The following KIF1B variants were observed in gnomAD, a reference collection of about 807,000 sequenced individuals.
KIF1B encodes the protein kinesin-like protein KIF1B.
Under a neutral mutation model 241.9 loss-of-function variants are expected in KIF1B, and 76 were observed. That is an observed-to-expected ratio of 0.31 (90% CI 0.26 to 0.38). KIF1B has a LOEUF of 0.38. Among genes scored for constraint, KIF1B ranks in the 10% least tolerant of loss-of-function variants. The pLI, the probability that KIF1B is intolerant of heterozygous loss-of-function variation, is 1.00. For missense variants in KIF1B, 1,622 were observed against 2,271.4 expected (o/e 0.71, Z 5.81); for synonymous variants, 750 against 796.7 (o/e 0.94, Z 0.99).
Position 10,361,716 on chromosome 1 carries a change from G to A in KIF1B, c.4195G>A (p.Val1399Ile), listed in dbSNP as rs770566165. 7 of 1,613,934 alleles carry A rather than the reference G, an allele frequency of 4.3e-6. No homozygotes were observed. In the Admixed American group the frequency reaches 5.0e-5, roughly 12 times the overall value. Reference sequence around the variant, plus strand: ...GCTGGATCATTGCATCCAGCCGGCTGTCATCACCAAGGATGTGTGCATGGT... The same window carrying A: ...GCTGGATCATTGCATCCAGCCGGCTATCATCACCAAGGATGTGTGCATGGT... ...LELDHCIQPA[V>I]ITKDVCMVFY... Residue 1399 changes from valine to isoleucine, a missense_variant, in exon 40 of 49, where the codon GTC (valine) becomes ATC (isoleucine). Val to Ile is a conservative substitution (Grantham distance 29). This residue lies in a region of KIF1B where 803 missense variants were observed against 1,112.0 expected (regional missense o/e 0.72). Transcript: ENST00000676179.
Position 10,326,654 on chromosome 1 carries a change from C to G in KIF1B, c.2924+295C>G, listed in dbSNP as rs139407998. ...AATTTTGTTCTGAAGAAGGGAACCC[C>G]AAAGGAGAAAGTAAAGCTAAGAGTC... On this transcript the variant is annotated intron_variant, in intron 27 of 48. Coordinates refer to ENST00000676179, the MANE Select transcript of KIF1B (RefSeq NM_001365951.3). This position sits in a 1 kb window ranked among gnomAD's most constrained non-coding sequence, Gnocchi z 5.2. Among the ~76,000 whole-genome samples, 655 of 152,194 alleles carry G rather than the reference C, an allele frequency of 4.3e-3. 8 individuals carry two copies. Among genetic ancestry groups the G allele is most frequent in the Middle Eastern group, 0.024 (7 of 294 alleles).
chr1:10,268,368 G>A, intron 7 of KIF1B, 105 bp downstream of exon 7: 1 of 767,786 alleles, frequency 1.3e-6, no homozygotes, highest in South Asian at 1.5e-5. Context: ...GTTGGGGGGT[G>A]CTCTTTTACT....
chr1:10,231,378 CTT>C (rs35213507), intron 1 of KIF1B, among the ~76,000 whole-genome samples: 2 of 85,738 alleles, frequency 2.3e-5, no homozygotes, highest in Non-Finnish European at 4.2e-5. Flanking sequence ...GTTCAGTGCC[CTT>C]TTTTTTTTTT....
intron 22 of KIF1B, among the ~76,000 whole-genome samples, chr1:10,319,389 C>A (rs1425258629): frequency 2.0e-5 from 3 of 152,174 alleles, no homozygotes; most frequent in African/African-American, 7.2e-5. Flanking sequence ...GTGTGAGCCA[C>A]TGCACCCGGT....
chr1:10,365,258 AG>A lies in KIF1B; in HGVS notation c.4512+16del, dbSNP rs559364887. ...GCTCCTACATGAGGTATCCAGGGGC[AG>A]GGTTGTTCAGATGCAAGAACTCTCG... On this transcript the variant is annotated intron_variant, in intron 42 of 48. Coordinates refer to ENST00000676179, the MANE Select transcript of KIF1B (RefSeq NM_001365951.3). The surrounding 1 kb of genome is among the most constrained non-coding windows in gnomAD (Gnocchi z 4.0). The A allele has an allele frequency of 2.0e-5, 32 of 1,613,892 alleles. 1 individual carries two copies. In the South Asian group the frequency reaches 2.5e-4, roughly 13 times the overall value.
rs1206772293 is a variant in KIF1B, at chr1:10,371,287, G to T, written c.4946+25G>T. 9.3e-6 allele frequency: 15 copies of T among 1,613,662 alleles called. No homozygotes were observed. The East Asian group carries it at 2.5e-4, about 26-fold the overall frequency. ...AGTAAGTACCCAGATTTCACTGAGA[G>T]AAGTCAATCTAAGAACCAAGGTAAA... is the stretch of plus-strand genomic sequence containing the variant. On this transcript the variant is annotated intron_variant, in intron 45 of 48. Transcript: ENST00000676179.
intron 22 of KIF1B, 28 bp downstream of exon 22, chr1:10,297,274 T>C: frequency 6.3e-7 from 1 of 1,597,620 alleles, no homozygotes; most frequent in Non-Finnish European, 8.6e-7. Flanking sequence ...GCTAAACTGT[T>C]GGGAAAAGGG....
At chr1:10,334,149 C>CAAAAAAA (rs372716443) in intron 27 of KIF1B, among the ~76,000 whole-genome samples, 1 of 82,944 alleles carries the variant, frequency 1.2e-5, no homozygotes. Flanking sequence ...GACTCTGTCT[C>CAAAAAAA]AAAAAAAAAA....
intron 10 of KIF1B, among the ~76,000 whole-genome samples, chr1:10,273,275 C>A (rs1041039855): frequency 6.6e-6 from 1 of 152,062 alleles, no homozygotes; most frequent in Non-Finnish European, 1.5e-5. Context: ...GGAACAAGGC[C>A]GAGCATGGTG....
At chr1:10,354,531 T>C (rs994457586) in intron 38 of KIF1B, among the ~76,000 whole-genome samples, 4 of 152,360 alleles carry the variant, frequency 2.6e-5, no homozygotes, top group African/African-American at 9.6e-5. Context: ...TTAACAGTTA[T>C]TTTTAAACAA....
intron 27 of KIF1B, 26 bp from the exon 28 acceptor site, chr1:10,334,494 A>G (rs1412321662): frequency 1.2e-5 from 18 of 1,524,472 alleles, no homozygotes; most frequent in Non-Finnish European, 1.5e-5. Context: ...ATGTTCTGAC[A>G]TTTGTCTCCT....
intron 37 of KIF1B, 26 bp downstream of exon 37, chr1:10,348,759 T>G (rs1652681344): frequency 1.3e-6 from 2 of 1,585,220 alleles, no homozygotes; most frequent in Admixed American, 1.7e-5. Flanking sequence ...CAGCCAAGGA[T>G]AGAACCAGGA....
In KIF1B at chr1:10,326,585, A is replaced by G. The variant is rs1651732389; in HGVS notation, c.2924+226A>G. On this transcript the variant is annotated intron_variant, in intron 27 of 48. Transcript: ENST00000676179. The surrounding 1 kb of genome is among the most constrained non-coding windows in gnomAD (Gnocchi z 5.2). Reference sequence around the variant, plus strand: ...TCTACTCAGCACAATACGTAGCAATATATGAAGACTGCATGGAAGACACCT... The same window carrying G: ...TCTACTCAGCACAATACGTAGCAATGTATGAAGACTGCATGGAAGACACCT... 6.6e-6 allele frequency among the ~76,000 whole-genome samples: 1 copy of G among 152,212 alleles called. No individual in the cohort carries two copies. The highest frequency in any genetic ancestry group is 2.1e-4 in the South Asian group (1 of 4,836).
At chr1:10,292,366 G>C in intron 17 of KIF1B, 1 of 457,228 alleles carries the variant, frequency 2.2e-6, no homozygotes, top group East Asian at 3.9e-5. Context: ...TGTAACCTTT[G>C]GCCATGATTC....
intron 16 of KIF1B, 109 bp from the exon 17 acceptor site, chr1:10,291,938 A>G (rs1312037176): frequency 1.4e-5 from 12 of 871,782 alleles, no homozygotes; most frequent in Admixed American, 5.5e-5. Flanking sequence ...TATTGGCTAT[A>G]AACATGGCCA....
Position 10,210,621 on chromosome 1 carries a change from C to G in KIF1B, c.-337C>G, listed in dbSNP as rs946521361. Among the ~76,000 whole-genome samples the G allele has an allele frequency of 2.9e-3, 444 of 151,724 alleles. 2 individuals carry two copies. The highest frequency in any genetic ancestry group is 0.01 in the African/African-American group (429 of 41,488). On this transcript the variant is annotated 5_prime_UTR_variant, in exon 1 of 49. Transcript: ENST00000676179. The surrounding 1 kb of genome is among the most constrained non-coding windows in gnomAD (Gnocchi z 4.1). Reference sequence around the variant, plus strand: ...CGCCCGCGCGCGTCGGAGCAGCTCCCCGTCCTCCGCAGCCGTCACCGCCGG... The same window carrying G: ...CGCCCGCGCGCGTCGGAGCAGCTCCGCGTCCTCCGCAGCCGTCACCGCCGG...
intron 24 of KIF1B, 129 bp downstream of exon 24, chr1:10,321,986 A>G (rs1651543009): frequency 1.1e-6 from 1 of 901,756 alleles, no homozygotes; most frequent in Non-Finnish European, 1.7e-6. Flanking sequence ...AAACAGCTTT[A>G]TATATGTCTT....
At chr1:10,224,146 G>A (rs984218176) in intron 1 of KIF1B, among the ~76,000 whole-genome samples, 5 of 151,782 alleles carry the variant, frequency 3.3e-5, no homozygotes, top group Admixed American at 6.6e-5. Context: ...ATGGAGTCTC[G>A]CTCTGTTGCC....
intron 17 of KIF1B, among the ~76,000 whole-genome samples, chr1:10,294,183 G>T (rs1175876135): frequency 6.6e-6 from 1 of 152,118 alleles, no homozygotes; most frequent in Non-Finnish European, 1.5e-5. Context: ...CTTATTTTTG[G>T]ATTCCAGTGG....
Sources: allele counts gnomAD v4.1 joint callset (sites outside exome capture counted in the v4.1 genomes callset), GRCh38; gene constraint gnomAD v4.1.1; regional missense constraint gnomAD v4.1.1; non-coding constraint Gnocchi (gnomAD v3.1); transcripts MANE v1.5; gene names NCBI Gene and HGNC (gene_info 2026-07-23, HGNC 2026-07-21).